Variants in FUT8 observed in about 807,000 individuals in gnomAD.
The protein encoded by FUT8 is alpha-(1,6)-fucosyltransferase.
Under a neutral mutation model 71.3 loss-of-function variants are expected in FUT8, and 29 were observed. The ratio of observed to expected loss-of-function variants is 0.41; its 90% CI spans 0.30 to 0.55. The LOEUF (loss-of-function observed/expected upper bound fraction) is 0.55. Ranked by LOEUF, FUT8 falls within the 20% of genes least tolerant of loss-of-function variation. FUT8 has a pLI of 0.34. For missense variants in FUT8, 544 were observed against 702.1 expected (o/e 0.77, Z 2.55); for synonymous variants, 254 against 239.3 (o/e 1.06, Z -0.57).
At chr14:65,457,055 T>C (rs982990547) in intron 2 of FUT8, among the ~76,000 whole-genome samples, 1 of 152,172 alleles carries the variant, frequency 6.6e-6, no homozygotes, top group South Asian at 2.1e-4. Context: ...TCCCTAGCTA[T>C]TTTGAAATGT....
chr14:65,515,525 G>A (rs1361536629), intron 2 of FUT8, among the ~76,000 whole-genome samples: 1 of 151,474 alleles, frequency 6.6e-6, no homozygotes, highest in African/African-American at 2.4e-5. Flanking sequence ...TGTTTTGTGG[G>A]CAGATATTGT....
intron 7 of FUT8, among the ~76,000 whole-genome samples, chr14:65,692,039 CT>C (rs1382263842): frequency 2.0e-5 from 3 of 151,800 alleles, no homozygotes; most frequent in Non-Finnish European, 1.5e-5. Flanking sequence ...ATTTCTCAAT[CT>C]TTTCCCCACC....
rs751619843 is a variant in FUT8, at chr14:65,567,189, TG to T, written c.203+5425del. Among the ~76,000 whole-genome samples, 20 of 152,018 alleles carry T rather than the reference TG, an allele frequency of 1.3e-4. 1 individual carries two copies. Among genetic ancestry groups the T allele is most frequent in the Non-Finnish European group, 2.6e-4 (18 of 67,930 alleles). On this transcript the variant is annotated intron_variant, in intron 3 of 10. Transcript: ENST00000673929. ...TTAATAGTTTTTTTGTTTATTTGTT[TG>T]GTCTAGGAAAGGAGAAGAGATTTCT...
intron 1 of FUT8, among the ~76,000 whole-genome samples, chr14:65,421,840 A>G (rs2065302441): frequency 6.8e-6 from 1 of 147,396 alleles, no homozygotes; most frequent in East Asian, 2.0e-4. Flanking sequence ...ACATCTGGAC[A>G]CAGTCTTCTC....
At chr14:65,454,548 G>A (rs1265280163) in intron 1 of FUT8, among the ~76,000 whole-genome samples, 1 of 152,066 alleles carries the variant, frequency 6.6e-6, no homozygotes, top group Non-Finnish European at 1.5e-5. Flanking sequence ...AGTTTAAGTT[G>A]GTGATATTGC....
At chr14:65,368,859 T>C in the FUT8 span, among the ~76,000 whole-genome samples, 2 of 152,026 alleles carry the variant, frequency 1.3e-5, no homozygotes, top group Non-Finnish European at 2.9e-5. Context: ...GGTTTCACCA[T>C]GTTGGCCAGG....
At chr14:65,740,188 A>T (rs2139407615) in intron 10 of FUT8, among the ~76,000 whole-genome samples, 1 of 152,048 alleles carries the variant, frequency 6.6e-6, no homozygotes, top group South Asian at 2.1e-4. Context: ...TGCCAATATA[A>T]TCGTTGTTGA....
chr14:65,514,031 T>G (rs551201751), intron 2 of FUT8, among the ~76,000 whole-genome samples: 1 of 152,220 alleles, frequency 6.6e-6, no homozygotes, highest in Admixed American at 6.5e-5. Context: ...AGGTGAACTA[T>G]AGAGCACAAA....
chr14:65,546,826 G>T (rs1482921150), intron 2 of FUT8, among the ~76,000 whole-genome samples: 1 of 151,586 alleles, frequency 6.6e-6, no homozygotes, highest in Non-Finnish European at 1.5e-5. Flanking sequence ...GGTAGAATTC[G>T]CACATAAAGC....
chr14:65,616,534 C>T (rs1889295528), intron 5 of FUT8, among the ~76,000 whole-genome samples, 161 bp downstream of exon 5: 1 of 152,066 alleles, frequency 6.6e-6, no homozygotes, highest in South Asian at 2.1e-4. Flanking sequence ...TGGTAATTGC[C>T]AAGTGCAGTT....
intron 2 of FUT8, among the ~76,000 whole-genome samples, chr14:65,533,423 A>G (rs952690421): frequency 6.6e-6 from 1 of 152,092 alleles, no homozygotes; most frequent in Non-Finnish European, 1.5e-5. Flanking sequence ...GCAGTTGCGA[A>G]TGGGACTGTT....
chr14:65,513,645 A>AACAAC (rs1256280434), intron 2 of FUT8, among the ~76,000 whole-genome samples: 2 of 76,588 alleles, frequency 2.6e-5, no homozygotes, highest in Non-Finnish European at 5.5e-5. Context: ...AAACAAAATC[A>AACAAC]AAAACAAAAC....
the FUT8 span, among the ~76,000 whole-genome samples, chr14:65,372,892 C>A: frequency 6.6e-6 from 1 of 152,164 alleles, no homozygotes; most frequent in South Asian, 2.1e-4. Context: ...AGGCTTTCCT[C>A]ACATACCTGG....
intron 3 of FUT8, among the ~76,000 whole-genome samples, chr14:65,602,160 G>A (rs944159124): frequency 2.0e-5 from 3 of 150,888 alleles, no homozygotes; most frequent in East Asian, 1.9e-4. Flanking sequence ...CCCAAAGTCC[G>A]TCGTATCCTT....
the FUT8 span, among the ~76,000 whole-genome samples, chr14:65,393,085 T>G: frequency 6.6e-6 from 1 of 152,146 alleles, no homozygotes; most frequent in Non-Finnish European, 1.5e-5. Flanking sequence ...AGGTGGGTGC[T>G]ACTGACACCC....
intron 7 of FUT8, among the ~76,000 whole-genome samples, chr14:65,715,996 G>C (rs1895038775): frequency 6.6e-6 from 1 of 150,386 alleles, no homozygotes; most frequent in Non-Finnish European, 1.5e-5. Flanking sequence ...AAAACAACTT[G>C]ATAGTATTTC....
At chr14:65,383,265 CTTTTTTTTTTTTTT>C in the FUT8 span, among the ~76,000 whole-genome samples, 96 of 86,538 alleles carry the variant, frequency 1.1e-3, 1 homozygote, top group South Asian at 0.027. Context: ...TTTTTCTTTT[CTTTTTTTTTTTTTT>C]TTTTTTTTTT....
At position 65,442,236 on chromosome 14, in the gene FUT8, C is replaced by T. The variant is rs144200815; in HGVS notation, c.-325-13385C>T. On this transcript the variant is annotated intron_variant, in intron 1 of 10. Coordinates refer to ENST00000673929, the MANE Select transcript of FUT8 (RefSeq NM_001371533.1). ...CTGTTGCCAGGCTGGAGTGCAGTGG[C>T]GCGATCTCGGCTCACTGCAGTCTCC... Among the ~76,000 whole-genome samples, 403 of 149,814 alleles carry T rather than the reference C, an allele frequency of 2.7e-3. 4 individuals are homozygous for T. Among genetic ancestry groups the T allele is most frequent in the African/African-American group, 9.4e-3 (383 of 40,608 alleles).
intron 2 of FUT8, among the ~76,000 whole-genome samples, chr14:65,555,550 A>G (rs1885542861): frequency 1.3e-5 from 2 of 152,080 alleles, no homozygotes; most frequent in Admixed American, 1.3e-4. Flanking sequence ...ACCTACCTTA[A>G]ATTCCCTGAA....
Sources: gnomAD v4.1 joint callset for allele counts (sites outside exome capture counted in the v4.1 genomes callset) on GRCh38, gnomAD v4.1.1 for gene constraint, MANE v1.5 for transcripts, NCBI Gene and HGNC (gene_info 2026-07-23, HGNC 2026-07-21) for gene names.